XIRP2: variants seen among roughly 807,000 people sequenced by gnomAD.
The protein encoded by XIRP2 is xin actin-binding repeat-containing protein 2.
Under a neutral mutation model 277.0 loss-of-function variants are expected in XIRP2, and 236 were observed. The ratio of observed to expected loss-of-function variants is 0.85; its 90% confidence interval spans 0.77 to 0.95. The LOEUF is 0.95. Among genes scored for constraint, XIRP2 ranks in the 40% least tolerant of loss-of-function variants. The pLI, the probability that XIRP2 is intolerant of heterozygous loss-of-function variation, is 0.00. For missense variants in XIRP2, 4,640 were observed against 4,157.5 expected (o/e 1.12, Z -3.19); for synonymous variants, 1,490 against 1,416.5 (o/e 1.05, Z -1.17).
chr2:167,221,246 G>T (rs1288093114), intron 5 of XIRP2, among the ~76,000 whole-genome samples: 1 of 151,918 alleles, frequency 6.6e-6, no homozygotes, highest in Non-Finnish European at 1.5e-5. Context: ...GCCGAGGTGG[G>T]CAGATCACCT....
intron 2 of XIRP2, among the ~76,000 whole-genome samples, chr2:167,044,830 A>T (rs1688747868): frequency 6.6e-6 from 1 of 152,070 alleles, no homozygotes; most frequent in Non-Finnish European, 1.5e-5. Context: ...TACAGCCCAA[A>T]GTGATGTACA....
rs181410853 is a variant in XIRP2, at chr2:167,044,461, T to C, written c.409-91448T>C. Among the ~76,000 whole-genome samples, 71 of 152,190 alleles carry C rather than the reference T, an allele frequency of 4.7e-4. 1 individual carries two copies. The East Asian group carries it at 0.013, about 28-fold the overall frequency. On this transcript the variant is annotated intron_variant, in intron 2 of 10. Coordinates refer to ENST00000409195, the MANE Select transcript of XIRP2 (RefSeq NM_152381.6). ...GAGAAATAGATAAAAGGCATCCAAA[T>C]AGGAAGAGAGGCAGTCAAACTGTCT...
intron 3 of XIRP2, among the ~76,000 whole-genome samples, chr2:167,205,644 G>A (rs1404720451): frequency 6.6e-6 from 1 of 152,112 alleles, no homozygotes; most frequent in Non-Finnish European, 1.5e-5. Flanking sequence ...TTGCATGAAA[G>A]TAGCATAGTA....
chr2:167,019,446 G>C (rs114754072), intron 2 of XIRP2, among the ~76,000 whole-genome samples: 216 of 152,106 alleles, frequency 1.4e-3, no homozygotes, highest in African/African-American at 4.7e-3. Context: ...GGAGAAATAT[G>C]AATATAGAAG....
At chr2:167,149,976 A>G (rs1278210931) in intron 3 of XIRP2, among the ~76,000 whole-genome samples, 1 of 152,024 alleles carries the variant, frequency 6.6e-6, no homozygotes. Context: ...CTAGAAATGG[A>G]TAATAATTAT....
intron 2 of XIRP2, among the ~76,000 whole-genome samples, chr2:166,961,479 C>T (rs987308908): frequency 6.6e-6 from 1 of 151,656 alleles, no homozygotes; most frequent in Non-Finnish European, 1.5e-5. Flanking sequence ...GCTGAATTAG[C>T]CTTCAAACAG....
chr2:167,134,336 T>C (rs1037339026), intron 2 of XIRP2, among the ~76,000 whole-genome samples: 1 of 151,728 alleles, frequency 6.6e-6, no homozygotes, highest in South Asian at 2.1e-4. Context: ...TATATACTTG[T>C]TATGTACATG....
intron 2 of XIRP2, among the ~76,000 whole-genome samples, chr2:166,973,807 TA>T (rs1321280843): frequency 6.6e-6 from 1 of 152,242 alleles, no homozygotes; most frequent in African/African-American, 2.4e-5. Flanking sequence ...ATTCATTTCT[TA>T]ATAAATATTC....
At chr2:167,018,623 C>A (rs973719493) in intron 2 of XIRP2, among the ~76,000 whole-genome samples, 2 of 151,952 alleles carry the variant, frequency 1.3e-5, no homozygotes, top group Non-Finnish European at 2.9e-5. Context: ...CAAATAAGTA[C>A]CCCCAGGGCA....
chr2:166,901,395 A>G (rs1377580904), intron 1 of XIRP2, among the ~76,000 whole-genome samples: 2 of 152,080 alleles, frequency 1.3e-5, no homozygotes, highest in Non-Finnish European at 2.9e-5. Context: ...AGCTGTATTT[A>G]GTAGGAGAAA....
At position 166,903,809 on chromosome 2, in the gene XIRP2, C is replaced by T; in HGVS notation, c.327C>T (p.Arg109=). The T allele has an allele frequency of 6.2e-7, 1 of 1,613,710 alleles. No individual in the cohort carries two copies. Among genetic ancestry groups the T allele is most frequent in the Non-Finnish European group, 8.5e-7 (1 of 1,179,776 alleles). The part of the protein sequence containing the change: ...DSLSSRRRIE[R]FSIALDELRS... The stretch of plus-strand genomic sequence containing the variant: ...TGAGCAGTCGGCGCAGGATTGAACG[C>T]TTTTCCATTGCCCTTGATGAGCTGA... The change falls in exon 2 of 11, where the codon CGC becomes CGT. Residue 109 remains arginine, a synonymous_variant. Coordinates refer to ENST00000409195, the MANE Select transcript of XIRP2 (RefSeq NM_152381.6).
intron 2 of XIRP2, among the ~76,000 whole-genome samples, chr2:166,936,070 C>T (rs1685490050): frequency 1.3e-5 from 2 of 152,160 alleles, no homozygotes; most frequent in Admixed American, 1.3e-4. Flanking sequence ...CTCTCCAGCA[C>T]CTGTTGTTTC....
intron 2 of XIRP2, among the ~76,000 whole-genome samples, chr2:167,134,889 C>T (rs553249749): frequency 6.6e-6 from 1 of 152,200 alleles, no homozygotes; most frequent in South Asian, 2.1e-4. Context: ...TATGGACAAA[C>T]AAACTGATGA....
In XIRP2 at chr2:167,245,321, A is replaced by G. The variant is rs2105437809; in HGVS notation, c.3929A>G (p.Lys1310Arg). ...GAAGAAGTAATACAGGGTGATGTAA[A>G]AAGCTACAGAATGCTCTTTGAAACC... ...ITEEVIQGDV[K>R]SYRMLFETQP... The change falls in exon 9 of 11, where the codon AAA (lysine) becomes AGA (arginine). Residue 1310 changes from lysine to arginine, a missense_variant. Lys to Arg is a conservative substitution (Grantham distance 26). Coordinates refer to ENST00000409195, the MANE Select transcript of XIRP2 (RefSeq NM_152381.6). 1 of 1,613,748 alleles carries G rather than the reference A, an allele frequency of 6.2e-7. No individual in the cohort carries two copies.
At chr2:167,166,308 T>C (rs1692518497) in intron 3 of XIRP2, among the ~76,000 whole-genome samples, 1 of 152,214 alleles carries the variant, frequency 6.6e-6, no homozygotes, top group African/African-American at 2.4e-5. Context: ...AATTCCATTG[T>C]AGTCTAAGGA....
intron 3 of XIRP2, among the ~76,000 whole-genome samples, chr2:167,155,900 C>G (rs1692181456): frequency 6.6e-6 from 1 of 150,946 alleles, no homozygotes; most frequent in South Asian, 2.1e-4. Context: ...TCAGCAAAGT[C>G]TCAGGACACA....
intron 2 of XIRP2, among the ~76,000 whole-genome samples, chr2:166,940,279 C>A (rs182104475): frequency 2.0e-4 from 31 of 152,304 alleles, no homozygotes; most frequent in Admixed American, 9.8e-4. Context: ...GTTCTCATGC[C>A]ATGGTTTTCA....
Position 167,251,499 on chromosome 2 carries a change from T to G in XIRP2, c.10107T>G (p.Arg3369=). The change falls in exon 9 of 11, where the codon CGT becomes CGG. Residue 3369 remains arginine, a synonymous_variant. Coordinates refer to ENST00000409195, the MANE Select transcript of XIRP2 (RefSeq NM_152381.6). ...ETNHNIQQES[R]TFCKEEFGLT... ...ACCATAACATACAACAAGAAAGTCG[T>G]ACATTTTGTAAGGAGGAATTTGGAT... 6.2e-7 allele frequency: 1 copy of G among 1,613,530 alleles called. No homozygotes were observed. The highest frequency in any genetic ancestry group is 8.5e-7 in the Non-Finnish European group (1 of 1,179,632).
intron 5 of XIRP2, among the ~76,000 whole-genome samples, chr2:167,234,675 A>G (rs546592013): frequency 2.5e-4 from 38 of 151,970 alleles, no homozygotes; most frequent in African/African-American, 9.1e-4. Flanking sequence ...AACTTTAGGC[A>G]GAGTTACTAT....
Sources: gnomAD v4.1 joint callset for allele counts (sites outside exome capture counted in the v4.1 genomes callset) on GRCh38, gnomAD v4.1.1 for gene constraint, MANE v1.5 for transcripts, NCBI Gene and HGNC (gene_info 2026-07-23, HGNC 2026-07-21) for gene names.